DTNA: variants seen among roughly 807,000 people sequenced by gnomAD.
DTNA encodes the protein dystrophin-related protein 3.
In DTNA, 43 loss-of-function variants were observed where a neutral mutation model predicts 100.7. That is an observed-to-expected ratio of 0.43 (90% CI 0.33 to 0.55). The LOEUF (loss-of-function observed/expected upper bound fraction) is 0.55, where lower values mean the gene tolerates loss of function less well. Among genes scored for constraint, DTNA ranks in the 20% least tolerant of loss-of-function variants. The pLI is 0.04. For missense variants in DTNA, 798 were observed against 953.9 expected (o/e 0.84, Z 2.15); for synonymous variants, 349 against 347.9 (o/e 1.00, Z -0.04).
chr18:34,647,664 G>A (rs1319980526), intron 1 of DTNA, among the ~76,000 whole-genome samples: 1 of 152,174 alleles, frequency 6.6e-6, no homozygotes, highest in Non-Finnish European at 1.5e-5. Flanking sequence ...CTGTCACTAA[G>A]GAATTATGAA....
At chr18:34,529,820 G>A (rs2509598) in intron 1 of DTNA, among the ~76,000 whole-genome samples, 135,799 of 152,138 alleles carry the variant, frequency 0.89, 60,663 homozygotes, top group East Asian at 0.93. Context: ...TGATTCTCTG[G>A]AAGTCTGGTT....
chr18:34,640,034 G>C (rs1400237526), intron 1 of DTNA, among the ~76,000 whole-genome samples: 2 of 152,182 alleles, frequency 1.3e-5, no homozygotes, highest in Non-Finnish European at 2.9e-5. Flanking sequence ...AGGTATAAAA[G>C]ATTGCACTTC....
Position 34,642,961 on chromosome 18 carries a change from G to C in DTNA, c.-1-113015G>C, listed in dbSNP as rs7243171. On this transcript the variant is annotated intron_variant, in intron 1 of 19. Coordinates refer to the DTNA transcript ENST00000283365. ...AGAAATGTCACAGCAGCACTGCCCT[G>C]TCCCAAACTAACACTACCTGGAATT... Among the ~76,000 whole-genome samples, 791 of 152,266 alleles carry C rather than the reference G, an allele frequency of 5.2e-3. 9 individuals carry two copies. Among genetic ancestry groups the C allele is most frequent in the African/African-American group, 0.018 (753 of 41,560 alleles).
intron 20 of DTNA, among the ~76,000 whole-genome samples, chr18:34,880,097 C>T (rs2096857811): frequency 6.6e-6 from 1 of 152,100 alleles, no homozygotes; most frequent in Non-Finnish European, 1.5e-5. Flanking sequence ...TTAGAGGATA[C>T]CATGACATTG....
Position 34,889,962 on chromosome 18 carries a change from A to C in DTNA, c.*2228A>C. On this transcript the variant is annotated 3_prime_UTR_variant, in exon 23 of 23. Coordinates refer to ENST00000444659, the MANE Select transcript of DTNA (RefSeq NM_001386795.1). ...AGGTGGCCACTGGTGCCTCATACTC[A>C]GTATTGAAAACCACTACATCCCAGC... The C allele has an allele frequency of 9.1e-7, 1 of 1,096,218 alleles. No individual in the cohort carries two copies. Among genetic ancestry groups the C allele is most frequent in the Non-Finnish European group, 1.1e-6 (1 of 898,908 alleles). 67.9% of individuals were successfully genotyped at this position (1,096,218 alleles called of 1,614,324 possible).
chr18:34,620,861 T>G (rs1568040257), intron 1 of DTNA, among the ~76,000 whole-genome samples: 1 of 152,078 alleles, frequency 6.6e-6, no homozygotes. Flanking sequence ...GGGACACATA[T>G]CCAAAACATA....
chr18:34,514,530 G>C (rs574173710), intron 1 of DTNA, among the ~76,000 whole-genome samples: 32 of 152,284 alleles, frequency 2.1e-4, no homozygotes, highest in Non-Finnish European at 3.5e-4. Flanking sequence ...ATCTAAGGCA[G>C]TATTAAAGAA....
rs76030477 is a variant in DTNA at position 34,611,886 on chromosome 18, C to T, written c.-2+118372C>T. On this transcript the variant is annotated intron_variant, in intron 1 of 19. Transcript: ENST00000283365. ...GGTCTCGGGCATCTCGCTGGGCAGG[C>T]GTGCAGCACATCACATGCTACCTGG... is the stretch of plus-strand genomic sequence containing the variant. 7.3e-3 allele frequency among the ~76,000 whole-genome samples: 1,119 copies of T among 152,308 alleles called. 17 individuals are homozygous for T. Among genetic ancestry groups the T allele is most frequent in the African/African-American group, 0.026 (1,079 of 41,572 alleles).
intron 1 of DTNA, among the ~76,000 whole-genome samples, chr18:34,665,679 T>G (rs1407228096): frequency 6.6e-6 from 1 of 152,144 alleles, no homozygotes; most frequent in Non-Finnish European, 1.5e-5. Context: ...CAGTGTTTGG[T>G]TTTTTGTCCT....
intron 1 of DTNA, among the ~76,000 whole-genome samples, chr18:34,517,174 T>G (rs1252958104): frequency 6.6e-6 from 1 of 152,150 alleles, no homozygotes; most frequent in East Asian, 1.9e-4. Context: ...TGCATAAGAT[T>G]AACCAAAGCA....
In DTNA at chr18:34,818,225, A is replaced by G. The variant is rs747599882; in HGVS notation, c.771A>G (p.Arg257=). ...HSESMMGFRY[R]CQQCHNYQLC... is the part of the protein sequence containing the mutation. The stretch of plus-strand genomic sequence containing the variant: ...AGAGTATGATGGGATTTCGCTACCG[A>G]TGCCAACAGTGTCACAATTACCAGC... Residue 257 remains arginine, a synonymous_variant, in exon 8 of 23, where the codon CGA becomes CGG. Coordinates refer to ENST00000444659, the MANE Select transcript of DTNA (RefSeq NM_001386795.1). The G allele has an allele frequency of 1.9e-6, 3 of 1,614,016 alleles. No homozygotes were observed. Among genetic ancestry groups the G allele is most frequent in the East Asian group, 2.2e-5 (1 of 44,878 alleles).
chr18:34,539,622 G>A (rs2044056775), intron 1 of DTNA, among the ~76,000 whole-genome samples: 1 of 151,894 alleles, frequency 6.6e-6, no homozygotes, highest in South Asian at 2.1e-4. Context: ...GCTTGTGGAG[G>A]CAGTTATATT....
intron 1 of DTNA, among the ~76,000 whole-genome samples, chr18:34,576,148 T>C (rs1057008449): frequency 3.3e-5 from 5 of 152,214 alleles, no homozygotes; most frequent in African/African-American, 1.2e-4. Context: ...GGCTCAAACC[T>C]GCAGGCATAA....
intron 13 of DTNA, among the ~76,000 whole-genome samples, chr18:34,841,921 CTT>C (rs1318454288): frequency 6.6e-6 from 1 of 152,184 alleles, no homozygotes. Context: ...TAAAGAAACA[CTT>C]ATGTCATTGC....
At chr18:34,713,975 A>G (rs1005306112) in intron 1 of DTNA, among the ~76,000 whole-genome samples, 39 of 152,126 alleles carry the variant, frequency 2.6e-4, no homozygotes, top group African/African-American at 9.2e-4. Flanking sequence ...AAAACAAGCA[A>G]TGGGGAAAGG....
chr18:34,752,152 C>T (rs908140753), intron 1 of DTNA, among the ~76,000 whole-genome samples: 8 of 152,198 alleles, frequency 5.3e-5, no homozygotes, highest in Non-Finnish European at 8.8e-5. Context: ...AAATTGGGCT[C>T]ATCGGTGAGC....
intron 1 of DTNA, among the ~76,000 whole-genome samples, chr18:34,502,838 C>T (rs536017129): frequency 1.8e-4 from 28 of 152,202 alleles, no homozygotes; most frequent in Admixed American, 5.9e-4. Flanking sequence ...TTGGCTGTTT[C>T]GGGGTAGAGT....
At chr18:34,752,497 T>A (rs1471474245) in intron 1 of DTNA, among the ~76,000 whole-genome samples, 1 of 152,162 alleles carries the variant, frequency 6.6e-6, no homozygotes, top group Non-Finnish European at 1.5e-5. Context: ...TGTCCTAGAG[T>A]CCCTCTATTG....
intron 1 of DTNA, among the ~76,000 whole-genome samples, chr18:34,524,826 C>G (rs2042461297): frequency 6.6e-6 from 1 of 151,928 alleles, no homozygotes; most frequent in South Asian, 2.1e-4. Flanking sequence ...CTGTGACAAC[C>G]CAAACATTTG....
Sources: allele counts gnomAD v4.1 joint callset (sites outside exome capture counted in the v4.1 genomes callset), GRCh38; gene constraint gnomAD v4.1.1; transcripts MANE v1.5; gene names NCBI Gene and HGNC (gene_info 2026-07-23, HGNC 2026-07-21).